Variants in NBEA observed in about 807,000 individuals in gnomAD.
NBEA encodes the protein neurobeachin.
Under a neutral mutation model 343.4 loss-of-function variants are expected in NBEA, and 44 were observed. The observed-to-expected ratio is 0.13, with a 90% CI of 0.10 to 0.16. The LOEUF (loss-of-function observed/expected upper bound fraction) is 0.16, where lower values mean the gene tolerates loss of function less well. NBEA is among the 10% of genes least tolerant of loss of function. The probability of loss-of-function intolerance (pLI) is 1.00; values close to 1 mark genes in which losing one functional copy is unlikely to be tolerated. For missense variants in NBEA, 2,555 were observed against 3,631.3 expected (o/e 0.70, Z 7.62); for synonymous variants, 1,175 against 1,238.7 (o/e 0.95, Z 1.08).
At chr13:35,043,047 C>A (rs750889652) in intron 2 of NBEA, among the ~76,000 whole-genome samples, 31 of 151,866 alleles carry the variant, frequency 2.0e-4, no homozygotes, top group Middle Eastern at 3.4e-3. Context: ...TACTTTCAAT[C>A]TTGTTCTCCA....
chr13:35,414,989 A>G (rs1360780284), intron 38 of NBEA, among the ~76,000 whole-genome samples: 49 of 152,166 alleles, frequency 3.2e-4, no homozygotes, highest in African/African-American at 1.1e-3. Flanking sequence ...GCCAGTGATG[A>G]TGAGCATTTT....
chr13:35,004,355 G>A lies in NBEA; in HGVS notation c.295-36578G>A, dbSNP rs1249679357. 3.3e-5 allele frequency among the ~76,000 whole-genome samples: 5 copies of A among 152,026 alleles called. No individual in the cohort carries two copies. The East Asian group carries it at 7.7e-4, about 23-fold the overall frequency. On this transcript the variant is annotated intron_variant, in intron 1 of 58. Transcript: ENST00000379939. ...TCTAGGTCTTTGAGGAATTGCCACG[G>A]TGTTATATTGGATGCTTTGTCTTCT...
rs115410630 is a variant in NBEA, at chr13:35,464,565, G to A, written c.6449-7835G>A. Among the ~76,000 whole-genome samples, 591 of 152,184 alleles carry A rather than the reference G, an allele frequency of 3.9e-3. 8 individuals carry two copies. The highest frequency in any genetic ancestry group is 0.013 in the African/African-American group (554 of 41,514). On this transcript the variant is annotated intron_variant, in intron 40 of 58. Coordinates refer to ENST00000379939, the MANE Select transcript of NBEA (RefSeq NM_001385012.1). ...TGTCCCTTTCTTGATAGGAGGCAGC[G>A]TATATAACAAATACCCTGACTTTCG...
intron 34 of NBEA, among the ~76,000 whole-genome samples, chr13:35,266,598 T>C (rs1353248135): frequency 6.6e-6 from 1 of 151,706 alleles, no homozygotes; most frequent in East Asian, 1.9e-4. Context: ...AAGACAAATA[T>C]TGCATCATCT....
intron 34 of NBEA, among the ~76,000 whole-genome samples, chr13:35,286,962 A>G (rs953277023): frequency 6.6e-6 from 1 of 152,032 alleles, no homozygotes; most frequent in Admixed American, 6.6e-5. Context: ...AAGTTTGTCC[A>G]GCTAATTAAT....
chr13:34,977,807 CT>C (rs2152504150), intron 1 of NBEA, among the ~76,000 whole-genome samples: 1 of 144,070 alleles, frequency 6.9e-6, no homozygotes, highest in South Asian at 2.2e-4. Flanking sequence ...GAAGGATACA[CT>C]TTTAATTTAA....
At chr13:35,251,096 A>G (rs115227183) in intron 34 of NBEA, 141 of 188,190 alleles carry the variant, frequency 7.5e-4, no homozygotes, top group African/African-American at 2.8e-3. Context: ...TGCACGAGGC[A>G]TGGTGAACTC....
chr13:35,057,491 A>T (rs185017149), intron 7 of NBEA, among the ~76,000 whole-genome samples: 14 of 152,292 alleles, frequency 9.2e-5, no homozygotes, highest in African/African-American at 2.9e-4. Flanking sequence ...GACAGAAACC[A>T]GGTGTGGCAG....
intron 33 of NBEA, among the ~76,000 whole-genome samples, chr13:35,212,211 T>C (rs1245400217): frequency 6.6e-6 from 1 of 152,190 alleles, no homozygotes; most frequent in African/African-American, 2.4e-5. Context: ...TGACTTTTAA[T>C]ACTAAGCTAG....
At chr13:35,297,275 G>A (rs1301266294) in intron 35 of NBEA, among the ~76,000 whole-genome samples, 1 of 151,736 alleles carries the variant, frequency 6.6e-6, no homozygotes, top group East Asian at 1.9e-4. Context: ...TTGTTATAAG[G>A]TTCTAATCTC....
At chr13:35,399,153 G>A (rs2042881438) in intron 38 of NBEA, among the ~76,000 whole-genome samples, 1 of 152,116 alleles carries the variant, frequency 6.6e-6, no homozygotes, top group Admixed American at 6.6e-5. Context: ...GAATTGAAGA[G>A]ATAGGGCTTT....
Position 35,182,006 on chromosome 13 carries a change from A to T in NBEA, c.4663-354A>T, listed in dbSNP as rs537162656. ...AGTATATAAAACCCTTGATTTTTTT[A>T]AAATCCAGGACATTATTCTTTTCAA... On this transcript the variant is annotated intron_variant, in intron 28 of 58. Transcript: ENST00000379939. Among the ~76,000 whole-genome samples the T allele has an allele frequency of 5.3e-5, 8 of 151,710 alleles. No individual in the cohort carries two copies. In the South Asian group the frequency reaches 1.4e-3, roughly 27 times the overall value.
At chr13:35,462,030 G>T (rs1220798518) in intron 40 of NBEA, among the ~76,000 whole-genome samples, 7 of 152,182 alleles carry the variant, frequency 4.6e-5, no homozygotes, top group Non-Finnish European at 1.0e-4. Context: ...GATTAGAATA[G>T]AAAATGTCAA....
intron 49 of NBEA, among the ~76,000 whole-genome samples, chr13:35,643,616 C>G (rs2153074940): frequency 6.6e-6 from 1 of 152,228 alleles, no homozygotes; most frequent in African/African-American, 2.4e-5. Flanking sequence ...AACAGACATA[C>G]ATAAATAATT....
chr13:35,411,516 G>A (rs965495498), intron 38 of NBEA, among the ~76,000 whole-genome samples: 14 of 151,706 alleles, frequency 9.2e-5, no homozygotes, highest in African/African-American at 3.2e-4. Context: ...GAGTGCAGTG[G>A]TGCAAACACA....
At chr13:35,111,651 C>T (rs1306481443) in intron 13 of NBEA, among the ~76,000 whole-genome samples, 3 of 151,720 alleles carry the variant, frequency 2.0e-5, no homozygotes, top group Non-Finnish European at 4.4e-5. Flanking sequence ...AGGGGATGTA[C>T]CATTTACATC....
At chr13:35,444,521 T>A (rs1196310816) in intron 39 of NBEA, among the ~76,000 whole-genome samples, 2 of 152,050 alleles carry the variant, frequency 1.3e-5, no homozygotes, top group East Asian at 1.9e-4. Flanking sequence ...GCTAAAAAAA[T>A]ATTGAGAAAT....
intron 38 of NBEA, among the ~76,000 whole-genome samples, chr13:35,408,995 G>C (rs1343894223): frequency 1.3e-5 from 2 of 152,124 alleles, no homozygotes; most frequent in African/African-American, 4.8e-5. Context: ...CCATTACTGG[G>C]TATATACCCA....
intron 17 of NBEA, among the ~76,000 whole-genome samples, chr13:35,139,251 G>A (rs568929483): frequency 1.9e-4 from 28 of 150,544 alleles, no homozygotes; most frequent in Admixed American, 4.6e-4. Context: ...AGTGTAGATG[G>A]GGTTTCACCA....
Sources: gnomAD v4.1 joint callset for allele counts (sites outside exome capture counted in the v4.1 genomes callset) on GRCh38, gnomAD v4.1.1 for gene constraint, MANE v1.5 for transcripts, NCBI Gene and HGNC (gene_info 2026-07-23, HGNC 2026-07-21) for gene names.